FAM78B: variants seen among roughly 807,000 people sequenced by gnomAD.
The protein encoded by FAM78B is protein FAM78B.
Under a neutral mutation model 20.0 loss-of-function variants are expected in FAM78B, and 10 were observed. The observed-to-expected ratio is 0.50, with a 90% CI of 0.31 to 0.85. The LOEUF (loss-of-function observed/expected upper bound fraction) is 0.85, where lower values mean the gene tolerates loss of function less well. FAM78B is among the 40% of genes least tolerant of loss of function. FAM78B has a pLI of 0.05. For synonymous variants in FAM78B, 135 were observed against 132.8 expected (o/e 1.02, Z -0.12); for missense variants, 283 against 345.0 (o/e 0.82, Z 1.42).
chr1:166,073,536 C>CTTT (rs201582992), intron 1 of FAM78B, among the ~76,000 whole-genome samples: 3 of 135,782 alleles, frequency 2.2e-5, no homozygotes, highest in Admixed American at 7.4e-5. Context: ...CTCTTTCTCT[C>CTTT]TTTTTTTTTT....
intron 1 of FAM78B, chr1:166,154,636 G>A (rs1036721332): frequency 3.5e-5 from 17 of 478,922 alleles, no homozygotes; most frequent in African/African-American, 3.3e-4. Context: ...AAACCTGGCT[G>A]GGGGGCAGGG....
At chr1:166,150,927 T>C (rs1655648343) in intron 1 of FAM78B, among the ~76,000 whole-genome samples, 1 of 152,038 alleles carries the variant, frequency 6.6e-6, no homozygotes, top group Non-Finnish European at 1.5e-5. Flanking sequence ...TCTACCTATA[T>C]TTAAAAAATA....
Position 166,134,040 on chromosome 1 carries a change from C to T in FAM78B, c.263+31946G>A, listed in dbSNP as rs371604223. On this transcript the variant is annotated intron_variant, in intron 1 of 1. Transcript: ENST00000354422. The stretch of plus-strand genomic sequence containing the variant: ...TAACTCCCACCGTATGTTCTCCCCA[C>T]TACCTCCCTCCTCAGGTTCAGAGAA... Among the ~76,000 whole-genome samples, 27 of 152,316 alleles carry T rather than the reference C, an allele frequency of 1.8e-4. No individual in the cohort carries two copies. In the East Asian group the frequency reaches 4.6e-3, roughly 26 times the overall value.
intron 1 of FAM78B, among the ~76,000 whole-genome samples, chr1:166,150,055 C>G (rs777453247): frequency 6.6e-6 from 1 of 152,148 alleles, no homozygotes; most frequent in Non-Finnish European, 1.5e-5. Flanking sequence ...CTGGAGCTAG[C>G]TACTTCGGAC....
At chr1:166,081,486 G>A (rs1017725998) in intron 1 of FAM78B, among the ~76,000 whole-genome samples, 1 of 152,086 alleles carries the variant, frequency 6.6e-6, no homozygotes, top group African/African-American at 2.4e-5. Context: ...GGAGCAAAGC[G>A]CCTTACCCCA....
intron 1 of FAM78B, among the ~76,000 whole-genome samples, chr1:166,131,110 G>A (rs1386754482): frequency 1.3e-5 from 2 of 150,956 alleles, no homozygotes; most frequent in Admixed American, 1.3e-4. Flanking sequence ...TCCTGCCTCA[G>A]CCTCCTGAGT....
chr1:166,065,468 G>A (rs1466922094), downstream of FAM78B, among the ~76,000 whole-genome samples: 1 of 152,166 alleles, frequency 6.6e-6, no homozygotes, highest in East Asian at 1.9e-4. Context: ...GACAGATCAG[G>A]CCAATACTAA....
chr1:166,108,510 A>T (rs2101754318), intron 1 of FAM78B, among the ~76,000 whole-genome samples: 1 of 152,326 alleles, frequency 6.6e-6, no homozygotes, highest in Admixed American at 6.5e-5. Flanking sequence ...GAGATCATAG[A>T]TGACATGAAC....
At chr1:166,094,723 G>A (rs936067482) in intron 1 of FAM78B, among the ~76,000 whole-genome samples, 2 of 152,158 alleles carry the variant, frequency 1.3e-5, no homozygotes, top group Non-Finnish European at 1.5e-5. Context: ...TATTCTGGAC[G>A]GAGCCCTGAA....
At chr1:166,127,330 A>G (rs1217651092) in intron 1 of FAM78B, among the ~76,000 whole-genome samples, 2 of 152,164 alleles carry the variant, frequency 1.3e-5, no homozygotes, top group Admixed American at 6.5e-5. Flanking sequence ...CTCCACCCCA[A>G]TCACCACCAG....
chr1:166,159,117 GCAA>G (rs1214288889), intron 1 of FAM78B, among the ~76,000 whole-genome samples: 4 of 152,240 alleles, frequency 2.6e-5, no homozygotes, highest in Admixed American at 1.3e-4. Flanking sequence ...AGGCTTCCTT[GCAA>G]GAAGCTTTGA....
chr1:166,091,321 T>G (rs144780801), intron 1 of FAM78B, among the ~76,000 whole-genome samples: 120 of 152,134 alleles, frequency 7.9e-4, no homozygotes, highest in Admixed American at 2.0e-3. Context: ...ATTTCCTACA[T>G]ATTGGGGGAG....
Position 166,157,242 on chromosome 1 carries a change from C to G in FAM78B, c.263+8744G>C, listed in dbSNP as rs1430543281. Among the ~76,000 whole-genome samples, 3 of 151,986 alleles carry G rather than the reference C, an allele frequency of 2.0e-5. No homozygotes were observed. The East Asian group carries it at 5.8e-4, about 29-fold the overall frequency. On this transcript the variant is annotated intron_variant, in intron 1 of 1. Transcript: ENST00000354422. ...GTTGCAGGGCCACAGCCACAACCTC[C>G]CTGTTCCTTAAGGCTGATCCACAGT... is the stretch of plus-strand genomic sequence containing the variant.
At chr1:166,084,215 A>ACG (rs1652701866) in intron 1 of FAM78B, among the ~76,000 whole-genome samples, 1 of 128,470 alleles carries the variant, frequency 7.8e-6, no homozygotes, top group South Asian at 2.8e-4. Context: ...CCACACACAC[A>ACG]CACACACACA....
chr1:166,101,880 G>T (rs1571162645), intron 1 of FAM78B, among the ~76,000 whole-genome samples: 1 of 152,192 alleles, frequency 6.6e-6, no homozygotes, highest in East Asian at 1.9e-4. Flanking sequence ...TACTCCTCGA[G>T]AAGAGCAACT....
intron 1 of FAM78B, among the ~76,000 whole-genome samples, chr1:166,135,247 T>C (rs373228840): frequency 2.6e-5 from 4 of 152,236 alleles, no homozygotes; most frequent in African/African-American, 9.6e-5. Context: ...GCAAGACCAG[T>C]GGGCAGGAAT....
In FAM78B at chr1:166,080,562, G is replaced by A. The variant is rs1323568584; in HGVS notation, c.264-9799C>T. ...TCTTTAAAGGAATCCTGACTGCTGC[G>A]TTAACTTTACTGCACTTAGAGGGTG... is the stretch of plus-strand genomic sequence containing the variant. On this transcript the variant is annotated intron_variant, in intron 1 of 1. Transcript: ENST00000354422. Among the ~76,000 whole-genome samples, 5 of 152,204 alleles carry A rather than the reference G, an allele frequency of 3.3e-5. No homozygotes were observed. In the East Asian group the frequency reaches 5.8e-4, roughly 18 times the overall value.
At position 166,077,574 on chromosome 1, in the gene FAM78B, AT is replaced by A. The variant is rs1433997960; in HGVS notation, c.264-6812del. On this transcript the variant is annotated intron_variant, in intron 1 of 1. Coordinates refer to ENST00000354422, the MANE Select transcript of FAM78B (RefSeq NM_001017961.5). ...CACAATGTCTCTCTCTCTATATATAATTTATATATATAAAATACATATAATT... is the reference window on the plus strand; with the variant it reads ...CACAATGTCTCTCTCTCTATATATAATTATATATATAAAATACATATAATT... Among the ~76,000 whole-genome samples the A allele has an allele frequency of 1.5e-4, 21 of 144,826 alleles. No individual in the cohort carries two copies. The East Asian group carries it at 4.1e-3, about 28-fold the overall frequency.
intron 1 of FAM78B, among the ~76,000 whole-genome samples, chr1:166,117,990 A>C (rs1012443403): frequency 2.0e-5 from 3 of 152,154 alleles, no homozygotes; most frequent in Non-Finnish European, 4.4e-5. Flanking sequence ...TCAGGTTCAG[A>C]CTGGAGGGAA....
Sources: allele counts gnomAD v4.1 joint callset (sites outside exome capture counted in the v4.1 genomes callset), GRCh38; gene constraint gnomAD v4.1.1; transcripts MANE v1.5; gene names NCBI Gene and HGNC (gene_info 2026-07-23, HGNC 2026-07-21).